SYT11: variants seen among roughly 807,000 people sequenced by gnomAD.
SYT11 encodes the protein synaptotagmin-11.
A neutral mutation model predicts 30.4 loss-of-function variants in SYT11; 12 were observed. The observed-to-expected ratio is 0.39, with a 90% CI of 0.25 to 0.64. The LOEUF (loss-of-function observed/expected upper bound fraction) is 0.64. Among genes scored for constraint, SYT11 ranks in the 30% least tolerant of loss-of-function variants. The probability of loss-of-function intolerance (pLI) is 0.45; values close to 1 mark genes in which losing one functional copy is unlikely to be tolerated. For missense variants in SYT11, 412 were observed against 552.0 expected (o/e 0.75, Z 2.54); for synonymous variants, 204 against 216.0 (o/e 0.94, Z 0.49).
chr1:155,881,155 C>A, intron 3 of SYT11, 43 bp from the exon 4 acceptor site: 1 of 1,576,450 alleles, frequency 6.3e-7, no homozygotes. Flanking sequence ...AGGACTGTGT[C>A]ATAGGTCTGT....
At chr1:155,873,437 T>TA (rs1423314091) in intron 2 of SYT11, among the ~76,000 whole-genome samples, 2 of 152,028 alleles carry the variant, frequency 1.3e-5, no homozygotes, top group Non-Finnish European at 2.9e-5. Context: ...AAAAAAGAAA[T>TA]AATGAAACGT....
At chr1:155,865,068 A>G (rs1010988366) in intron 1 of SYT11, among the ~76,000 whole-genome samples, 1 of 152,124 alleles carries the variant, frequency 6.6e-6, no homozygotes. Flanking sequence ...TCTTTTGTTC[A>G]CTGAACGCTT....
chr1:155,864,339 G>A (rs1359928776), intron 1 of SYT11, among the ~76,000 whole-genome samples: 1 of 152,194 alleles, frequency 6.6e-6, no homozygotes, highest in Non-Finnish European at 1.5e-5. Context: ...TATTGTCACT[G>A]CTATACACAA....
intron 2 of SYT11, among the ~76,000 whole-genome samples, chr1:155,879,203 G>T (rs1672922427): frequency 6.6e-6 from 1 of 152,068 alleles, no homozygotes; most frequent in Admixed American, 6.5e-5. Flanking sequence ...GATCACTTGA[G>T]GTCAGGAGTT....
rs1672963544 is a variant in SYT11 at position 155,881,567 on chromosome 1, A to T, written c.*59A>T. The T allele has an allele frequency of 6.7e-7, 1 of 1,483,804 alleles. No homozygotes were observed. Among genetic ancestry groups the T allele is most frequent in the South Asian group, 1.3e-5 (1 of 75,212 alleles). 91.9% of individuals were successfully genotyped at this position (1,483,804 alleles called of 1,614,324 possible). A position where few individuals can be genotyped will look rare whatever the true frequency, so the allele number is the denominator to read the frequency against. ...AAGCTGGGGAGGGATGTGGAGGGGAAAAAGATGACAGAGAAGTGGACTCCA... is the reference window on the plus strand; with the variant it reads ...AAGCTGGGGAGGGATGTGGAGGGGATAAAGATGACAGAGAAGTGGACTCCA... On this transcript the variant is annotated 3_prime_UTR_variant, in exon 4 of 4. Transcript: ENST00000368324.
chr1:155,876,078 G>A (rs573182066), intron 2 of SYT11, among the ~76,000 whole-genome samples: 2 of 152,192 alleles, frequency 1.3e-5, no homozygotes, highest in East Asian at 3.9e-4. Context: ...TAAGGTTGGT[G>A]ATGAGCATAG....
chr1:155,879,248 C>T (rs1672922759), intron 2 of SYT11, among the ~76,000 whole-genome samples: 1 of 151,942 alleles, frequency 6.6e-6, no homozygotes, highest in South Asian at 2.1e-4. Context: ...GAAATCCTGT[C>T]TTTACTAAGA....
intron 2 of SYT11, among the ~76,000 whole-genome samples, chr1:155,877,531 C>T (rs1264065806): frequency 3.3e-5 from 5 of 150,422 alleles, no homozygotes; most frequent in Non-Finnish European, 7.4e-5. Flanking sequence ...GCTCTATAGG[C>T]ACACGCCACT....
At chr1:155,875,645 C>A (rs771650003) in intron 2 of SYT11, among the ~76,000 whole-genome samples, 4 of 152,090 alleles carry the variant, frequency 2.6e-5, no homozygotes, top group South Asian at 2.1e-4. Flanking sequence ...TCAAGTGATC[C>A]GCCCTCCTCG....
intron 2 of SYT11, among the ~76,000 whole-genome samples, chr1:155,869,897 G>A (rs751439825): frequency 1.3e-5 from 2 of 152,172 alleles, no homozygotes; most frequent in Admixed American, 6.6e-5. Context: ...TGGACTGCAC[G>A]ACTTTACTCT....
chr1:155,875,112 G>A (rs1672840555), intron 2 of SYT11, among the ~76,000 whole-genome samples: 1 of 148,246 alleles, frequency 6.7e-6, no homozygotes, highest in South Asian at 2.2e-4. Flanking sequence ...AATTACCCGG[G>A]CATGGTGACA....
At chr1:155,865,314 G>A (rs1672651563) in intron 1 of SYT11, among the ~76,000 whole-genome samples, 2 of 152,160 alleles carry the variant, frequency 1.3e-5, no homozygotes, top group Admixed American at 1.3e-4. Context: ...GAAGCAGTGA[G>A]CTGCACAGAT....
chr1:155,859,765 G>T lies in SYT11; in HGVS notation c.4G>T (p.Ala2Ser). 6.2e-7 allele frequency: 1 copy of T among 1,614,152 alleles called. No individual in the cohort carries two copies. The highest frequency in any genetic ancestry group is 1.1e-5 in the South Asian group (1 of 91,086). M[A>S]EITNIRPSFD... The stretch of plus-strand genomic sequence containing the variant: ...AGCAACAGCCTCTGATTACGACATG[G>T]CTGAGATCACCAATATCCGACCTAG... The change falls in exon 1 of 4, where the codon GCT (alanine) becomes TCT (serine). Residue 2 changes from alanine to serine, a missense_variant. Ala to Ser is a moderately conservative substitution (Grantham distance 99). Transcript: ENST00000368324.
intron 2 of SYT11, among the ~76,000 whole-genome samples, chr1:155,877,857 T>C (rs1027212274): frequency 3.3e-5 from 5 of 152,196 alleles, no homozygotes; most frequent in Admixed American, 3.3e-4. Context: ...CTCCCGGCTA[T>C]AGCGGCCTCT....
At chr1:155,862,227 T>C (rs1672604288) in intron 1 of SYT11, among the ~76,000 whole-genome samples, 1 of 152,176 alleles carries the variant, frequency 6.6e-6, no homozygotes, top group Non-Finnish European at 1.5e-5. Context: ...TCCATGACCA[T>C]GAAGGACAAA....
chr1:155,868,668 C>T lies in SYT11; in HGVS notation c.738C>T (p.Val246=). ...AGGACCTGGTGCTGCACTTCCTTGTCCTCAGCTTTGACCGCTTCTCTCGGG... is the reference window on the plus strand; with the variant it reads ...AGGACCTGGTGCTGCACTTCCTTGTTCTCAGCTTTGACCGCTTCTCTCGGG... ...QLQDLVLHFL[V]LSFDRFSRDD... is the part of the protein sequence containing the mutation. The change falls in exon 2 of 4, where the codon GTC becomes GTT. Residue 246 remains valine (V), a synonymous_variant. Transcript: ENST00000368324. The surrounding 1 kb of genome is among the most constrained non-coding windows in gnomAD (Gnocchi z 4.7). 1.2e-6 allele frequency: 2 copies of T among 1,614,224 alleles called. No homozygotes were observed. Among genetic ancestry groups the T allele is most frequent in the Non-Finnish European group, 1.7e-6 (2 of 1,180,036 alleles).
intron 1 of SYT11, among the ~76,000 whole-genome samples, chr1:155,863,200 A>G (rs1240027631): frequency 1.3e-5 from 2 of 152,146 alleles, no homozygotes; most frequent in Non-Finnish European, 2.9e-5. Flanking sequence ...TCGTGCTTAT[A>G]ATTCCAGCGA....
At position 155,859,728 on chromosome 1, in the gene SYT11, CAAAAA is replaced by C. The variant is rs1557944420; in HGVS notation, c.-33_-29del. ...GGTTCCCAGAGCTGTCTCACCATTG[CAAAAA>C]CGTTATAGCAACAGCCTCTGATTAC... On this transcript the variant is annotated 5_prime_UTR_variant, in exon 1 of 4. Coordinates refer to ENST00000368324, the MANE Select transcript of SYT11 (RefSeq NM_152280.5). The C allele has an allele frequency of 6.2e-7, 1 of 1,612,846 alleles. No individual in the cohort carries two copies. The highest frequency in any genetic ancestry group is 8.5e-7 in the Non-Finnish European group (1 of 1,178,854).
chr1:155,880,387 CTTA>C, intron 2 of SYT11, 110 bp from the exon 3 acceptor site: 1 of 1,307,386 alleles, frequency 7.6e-7, no homozygotes, highest in Non-Finnish European at 1.0e-6. Context: ...TTCCAAAAAA[CTTA>C]TCATCCCTGC....
Sources: allele counts gnomAD v4.1 joint callset (sites outside exome capture counted in the v4.1 genomes callset), GRCh38; gene constraint gnomAD v4.1.1; non-coding constraint Gnocchi (gnomAD v3.1); transcripts MANE v1.5; gene names NCBI Gene and HGNC (gene_info 2026-07-23, HGNC 2026-07-21).